IL18: variants seen among roughly 807,000 people sequenced by gnomAD.
IL18 encodes interleukin 18, also known as interleukin-18.
In IL18, 8 loss-of-function variants were observed where a neutral mutation model predicts 14.2. That is an observed-to-expected ratio of 0.56 (90% CI 0.33 to 1.01). The LOEUF (loss-of-function observed/expected upper bound fraction) is 1.01, where lower values mean the gene tolerates loss of function less well. Ranked by LOEUF, IL18 falls within the 50% of genes least tolerant of loss-of-function variation. The probability of loss-of-function intolerance (pLI) is 0.03; values close to 1 mark genes in which losing one functional copy is unlikely to be tolerated. For synonymous variants in IL18, 67 were observed against 71.0 expected (o/e 0.94, Z 0.28); for missense variants, 166 against 231.1 (o/e 0.72, Z 1.83).
intron 3 of IL18, chr11:112,153,328 T>C (rs1347961867): frequency 8.7e-6 from 3 of 346,772 alleles, no homozygotes; most frequent in African/African-American, 4.2e-5. Flanking sequence ...TTAGGACCTA[T>C]GAAACAGGCA....
intron 3 of IL18, 90 bp from the exon 4 acceptor site, chr11:112,150,296 T>C: frequency 1.2e-6 from 1 of 829,332 alleles, no homozygotes; most frequent in Non-Finnish European, 1.9e-6. Context: ...TTTCTAAAAC[T>C]ATTAATGACA....
chr11:112,148,945 T>C (rs1346336335), intron 4 of IL18, among the ~76,000 whole-genome samples: 1 of 148,422 alleles, frequency 6.7e-6, no homozygotes. Context: ...ATCCCAGCAT[T>C]TAAAAGTTAA....
intron 2 of IL18, among the ~76,000 whole-genome samples, chr11:112,154,086 AG>A (rs1401137913): frequency 6.6e-6 from 1 of 152,084 alleles, no homozygotes; most frequent in Non-Finnish European, 1.5e-5. Context: ...CAGCCTCCAA[AG>A]AAGGTAGGAG....
chr11:112,162,211 A>T (rs1348062356), intron 1 of IL18, among the ~76,000 whole-genome samples: 1 of 152,186 alleles, frequency 6.6e-6, no homozygotes, highest in Non-Finnish European at 1.5e-5. Context: ...AGGAGAATTG[A>T]GTTGAATCTC....
intron 4 of IL18, among the ~76,000 whole-genome samples, chr11:112,149,219 G>T (rs1333288448): frequency 6.6e-6 from 1 of 150,558 alleles, no homozygotes; most frequent in Non-Finnish European, 1.5e-5. Context: ...TTGAACGTGG[G>T]AGGTGGAGGT....
intron 1 of IL18, among the ~76,000 whole-genome samples, chr11:112,163,214 T>C (rs780847409): frequency 1.3e-5 from 2 of 152,244 alleles, no homozygotes; most frequent in Non-Finnish European, 2.9e-5. Flanking sequence ...GGGAATGCTA[T>C]ATTATCCAAT....
At chr11:112,143,856 T>G in intron 5 of IL18, 39 bp from the exon 6 acceptor site, 1 of 1,250,664 alleles carries the variant, frequency 8.0e-7, no homozygotes, top group African/African-American at 1.5e-5. Flanking sequence ...TTTCAGGACA[T>G]GAACAATTTG....
chr11:112,147,017 G>A (rs1467852678), intron 5 of IL18, among the ~76,000 whole-genome samples: 1 of 143,442 alleles, frequency 7.0e-6, no homozygotes, highest in Non-Finnish European at 1.5e-5. Flanking sequence ...CGCAACCTCT[G>A]CCTCCCGGGT....
chr11:112,149,034 GTTGT>G (rs1041033455), intron 4 of IL18, among the ~76,000 whole-genome samples: 17 of 152,008 alleles, frequency 1.1e-4, no homozygotes, highest in Non-Finnish European at 1.2e-4. Flanking sequence ...AAACTGTGGG[GTTGT>G]TTGTTTGTTT....
chr11:112,148,625 T>C lies in IL18; in HGVS notation c.338A>G (p.Glu113Gly), dbSNP rs1211822844. The change falls in exon 5 of 6, where the codon GAG (glutamate) becomes GGG (glycine). Residue 113 changes from glutamate to glycine, a missense_variant. By Grantham distance (98) the Glu-to-Gly change is moderately conservative. Coordinates refer to ENST00000280357, the MANE Select transcript of IL18 (RefSeq NM_001562.4). ...KCEKISTLSC[E>G]NKIISFKEMN... ...TACCTTAAAGGAAATAATTTTGTTC[T>C]CACAGGAGAGAGTTGAAATTTTCTC... 1 of 1,513,036 alleles carries C rather than the reference T, an allele frequency of 6.6e-7. No homozygotes were observed. Among genetic ancestry groups the C allele is most frequent in the African/African-American group, 1.4e-5 (1 of 71,114 alleles). 93.7% of individuals were successfully genotyped at this position (1,513,036 alleles called of 1,614,324 possible).
intron 3 of IL18, among the ~76,000 whole-genome samples, chr11:112,152,189 T>G (rs1033943319): frequency 6.6e-6 from 1 of 152,220 alleles, no homozygotes; most frequent in Non-Finnish European, 1.5e-5. Context: ...CTCCTGTGTT[T>G]CCTATTTCAC....
At chr11:112,158,852 G>A (rs1001603170) in intron 1 of IL18, among the ~76,000 whole-genome samples, 7 of 151,672 alleles carry the variant, frequency 4.6e-5, no homozygotes, top group South Asian at 2.1e-4. Context: ...TTTTTATACC[G>A]TTGCCTAATT....
intron 5 of IL18, among the ~76,000 whole-genome samples, chr11:112,145,656 G>A (rs1439581629): frequency 1.3e-5 from 2 of 151,954 alleles, no homozygotes; most frequent in Non-Finnish European, 2.9e-5. Context: ...GGAGAATGGC[G>A]TGAACCCGGG....
At chr11:112,162,303 G>A (rs1266450442) in intron 1 of IL18, among the ~76,000 whole-genome samples, 1 of 151,764 alleles carries the variant, frequency 6.6e-6, no homozygotes, top group Non-Finnish European at 1.5e-5. Context: ...TTGTGGTGGG[G>A]GTGAACTGAA....
intron 5 of IL18, 49 bp from the exon 6 acceptor site, chr11:112,143,866 G>T: frequency 8.4e-7 from 1 of 1,186,564 alleles, no homozygotes; most frequent in South Asian, 1.4e-5. Flanking sequence ...TGAACAATTT[G>T]AATATATGAA....
At chr11:112,152,510 C>T (rs1157175571) in intron 3 of IL18, among the ~76,000 whole-genome samples, 1 of 152,154 alleles carries the variant, frequency 6.6e-6, no homozygotes, top group African/African-American at 2.4e-5. Context: ...AGTCATATGG[C>T]TACCTGGAAT....
chr11:112,150,085 A>G lies in IL18; in HGVS notation c.213T>C (p.Asp71=). ...GNRPLFEDMT[D]SDCRDNAPRT... is the part of the protein sequence containing the mutation. Reference sequence around the variant, plus strand: ...TAAAAAAAATACCTCTACAGTCAGAATCAGTCATATCTTCAAATAGAGGCC... The same window carrying G: ...TAAAAAAAATACCTCTACAGTCAGAGTCAGTCATATCTTCAAATAGAGGCC... The change falls in exon 4 of 6, where the codon GAT becomes GAC. Residue 71 remains aspartate (D), a synonymous_variant. Transcript: ENST00000280357. The G allele has an allele frequency of 6.2e-7, 1 of 1,603,680 alleles. No homozygotes were observed. Among genetic ancestry groups the G allele is most frequent in the Middle Eastern group, 1.7e-4 (1 of 5,992 alleles).
At chr11:112,158,142 C>T (rs992646656) in intron 1 of IL18, among the ~76,000 whole-genome samples, 3 of 152,056 alleles carry the variant, frequency 2.0e-5, no homozygotes, top group Non-Finnish European at 2.9e-5. Context: ...CCACTGTGCC[C>T]GGCCTAATTT....
In IL18 at chr11:112,143,566, GC is replaced by G. The variant is rs1566733184; in HGVS notation, c.*29del. 6.8e-7 allele frequency: 1 copy of G among 1,476,754 alleles called. No individual in the cohort carries two copies. The highest frequency in any genetic ancestry group is 1.2e-5 in the South Asian group (1 of 85,472). 91.5% of individuals were successfully genotyped at this position (1,476,754 alleles called of 1,614,324 possible). Reference sequence around the variant, plus strand: ...CAAAGGGCTGGGATTACAGGCGTGAGCCACTGCGCCCGGCATGAAATTTTAA... The same window carrying G: ...CAAAGGGCTGGGATTACAGGCGTGAGCACTGCGCCCGGCATGAAATTTTAA... On this transcript the variant is annotated 3_prime_UTR_variant, in exon 6 of 6. Coordinates refer to ENST00000280357, the MANE Select transcript of IL18 (RefSeq NM_001562.4).
Sources: allele counts gnomAD v4.1 joint callset (sites outside exome capture counted in the v4.1 genomes callset), GRCh38; gene constraint gnomAD v4.1.1; transcripts MANE v1.5; gene names NCBI Gene and HGNC (gene_info 2026-07-23, HGNC 2026-07-21).